The following CEP83 variants were observed in gnomAD, a reference collection of about 807,000 sequenced individuals.
CEP83 encodes centrosomal protein 83.
A neutral mutation model predicts 101.9 loss-of-function variants in CEP83; 70 were observed. That is an observed-to-expected ratio of 0.69 (90% CI 0.57 to 0.84). The LOEUF is 0.84. CEP83 is among the 40% of genes least tolerant of loss of function. The pLI is 0.00. For missense variants in CEP83, 715 were observed against 787.2 expected (o/e 0.91, Z 1.10); for synonymous variants, 264 against 267.9 (o/e 0.99, Z 0.14).
At chr12:94,339,817 AC>A (rs1429431642) in intron 11 of CEP83, among the ~76,000 whole-genome samples, 1 of 152,222 alleles carries the variant, frequency 6.6e-6, no homozygotes, top group Non-Finnish European at 1.5e-5. Flanking sequence ...GAATATAAGA[AC>A]CCACTCAAAA....
intron 14 of CEP83, among the ~76,000 whole-genome samples, chr12:94,322,684 T>G (rs530703179): frequency 6.6e-6 from 1 of 152,280 alleles, no homozygotes; most frequent in Non-Finnish European, 1.5e-5. Context: ...AGGAGCCACA[T>G]GAGGAAGCAG....
At chr12:94,384,347 G>A (rs1340881714) in intron 6 of CEP83, among the ~76,000 whole-genome samples, 1 of 152,012 alleles carries the variant, frequency 6.6e-6, no homozygotes, top group Non-Finnish European at 1.5e-5. Flanking sequence ...ATAATTTCTT[G>A]GGCTGCTTTC....
At chr12:94,379,618 A>G (rs1005622970) in intron 6 of CEP83, among the ~76,000 whole-genome samples, 2 of 152,172 alleles carry the variant, frequency 1.3e-5, no homozygotes, top group African/African-American at 4.8e-5. Context: ...TTGAAAAATC[A>G]TTACTCCAGG....
chr12:94,454,103 A>G (rs1327343732), intron 1 of CEP83, among the ~76,000 whole-genome samples: 1 of 152,066 alleles, frequency 6.6e-6, no homozygotes, highest in Non-Finnish European at 1.5e-5. Flanking sequence ...CTCAAAAAAA[A>G]AAAAAAAAAT....
chr12:94,357,524 T>C (rs936644832), intron 11 of CEP83, among the ~76,000 whole-genome samples: 1 of 152,176 alleles, frequency 6.6e-6, no homozygotes, highest in African/African-American at 2.4e-5. Flanking sequence ...GAGGGAGCCG[T>C]CTCGGGCCCT....
At chr12:94,423,831 T>G in intron 2 of CEP83, 1 of 1,613,388 alleles carries the variant, frequency 6.2e-7, no homozygotes, top group African/African-American at 1.3e-5. Flanking sequence ...TCTCCTCGAC[T>G]GAAACACTGG....
chr12:94,399,828 A>G (rs970535432), intron 6 of CEP83, among the ~76,000 whole-genome samples: 13 of 152,226 alleles, frequency 8.5e-5, no homozygotes, highest in African/African-American at 3.1e-4. Flanking sequence ...TTAAAGCTAT[A>G]AAGAGTTTTT....
At chr12:94,347,768 C>T (rs1403608309) in intron 11 of CEP83, among the ~76,000 whole-genome samples, 4 of 152,188 alleles carry the variant, frequency 2.6e-5, no homozygotes, top group South Asian at 2.1e-4. Flanking sequence ...GGATAAGTCA[C>T]GGGTTGCCTA....
chr12:94,436,769 G>C (rs185951647), intron 1 of CEP83, among the ~76,000 whole-genome samples: 2 of 150,224 alleles, frequency 1.3e-5, no homozygotes, highest in Non-Finnish European at 3.0e-5. Flanking sequence ...GGAGGTTGCA[G>C]TGAGCCAAGA....
chr12:94,315,486 T>G (rs1043979427), intron 14 of CEP83, among the ~76,000 whole-genome samples: 2 of 152,262 alleles, frequency 1.3e-5, no homozygotes, highest in Non-Finnish European at 2.9e-5. Flanking sequence ...GAATCGTATG[T>G]CAGATATATA....
At chr12:94,449,059 A>G (rs2067024778) in intron 1 of CEP83, among the ~76,000 whole-genome samples, 1 of 152,002 alleles carries the variant, frequency 6.6e-6, no homozygotes, top group African/African-American at 2.4e-5. Flanking sequence ...CTGACCAAGA[A>G]AATAAGAGAT....
intron 2 of CEP83, among the ~76,000 whole-genome samples, chr12:94,431,789 C>T (rs1207463928): frequency 1.3e-5 from 2 of 152,076 alleles, no homozygotes; most frequent in Admixed American, 6.6e-5. Context: ...ACAACAGATG[C>T]TGGCAAGGAT....
chr12:94,412,518 G>A lies in CEP83; in HGVS notation c.-28C>T. 1.2e-6 allele frequency: 2 copies of A among 1,602,076 alleles called. No individual in the cohort carries two copies. Among genetic ancestry groups the A allele is most frequent in the East Asian group, 2.3e-5 (1 of 44,162 alleles). On this transcript the variant is annotated 5_prime_UTR_variant, in exon 3 of 17. Transcript: ENST00000397809. ...AAAAATAAGTTTTGGCTTTCTTACT[G>A]TTTTAGTTTTCTTTCCAAGGGTATT...
At chr12:94,458,959 A>G (rs962906400) in intron 1 of CEP83, among the ~76,000 whole-genome samples, 2 of 152,224 alleles carry the variant, frequency 1.3e-5, no homozygotes, top group Admixed American at 6.5e-5. Flanking sequence ...GCACTGCTTT[A>G]ACAACCCACT....
At chr12:94,284,663 C>T in the CEP83 span, among the ~76,000 whole-genome samples, 2 of 151,962 alleles carry the variant, frequency 1.3e-5, no homozygotes, top group Non-Finnish European at 2.9e-5. Flanking sequence ...GGTCTGGTAA[C>T]AGCTAGTCAG....
At chr12:94,384,392 A>C (rs1398781251) in intron 6 of CEP83, among the ~76,000 whole-genome samples, 3 of 151,968 alleles carry the variant, frequency 2.0e-5, no homozygotes, top group African/African-American at 7.3e-5. Context: ...AAACCTGACT[A>C]TGGTATCTCT....
chr12:94,303,732 C>CTT (rs201354613), downstream of CEP83: 3,003 of 840,062 alleles, frequency 3.6e-3, no homozygotes, highest in South Asian at 9.0e-3. Flanking sequence ...GTGATGGTTG[C>CTT]TTTTTTTTTT....
chr12:94,433,232 T>C (rs2065771750), intron 2 of CEP83, among the ~76,000 whole-genome samples: 1 of 152,124 alleles, frequency 6.6e-6, no homozygotes, highest in African/African-American at 2.4e-5. Flanking sequence ...TAGACTCACA[T>C]TTACATTTCA....
chr12:94,436,321 CAAATAAAAAAAA>C (rs2065981816), intron 1 of CEP83, among the ~76,000 whole-genome samples: 3 of 144,536 alleles, frequency 2.1e-5, no homozygotes, highest in African/African-American at 7.7e-5. Flanking sequence ...ACAACTTGAA[CAAATAAAAAAAA>C]AAATAAAAAA....
Sources: gnomAD v4.1 joint callset for allele counts (sites outside exome capture counted in the v4.1 genomes callset) on GRCh38, gnomAD v4.1.1 for gene constraint, MANE v1.5 for transcripts, NCBI Gene and HGNC (gene_info 2026-07-23, HGNC 2026-07-21) for gene names.